ARHGEF4: variants seen among roughly 807,000 people sequenced by gnomAD.
ARHGEF4 encodes APC-stimulated guanine nucleotide exchange factor 1.
Under a neutral mutation model 162.0 loss-of-function variants are expected in ARHGEF4, and 119 were observed. The observed-to-expected ratio is 0.73, with a 90% confidence interval of 0.63 to 0.86. ARHGEF4 has a LOEUF of 0.86. Ranked by LOEUF, ARHGEF4 falls within the 40% of genes least tolerant of loss-of-function variation. ARHGEF4 has a pLI of 0.00. For missense variants in ARHGEF4, 2,488 were observed against 2,456.0 expected (o/e 1.01, Z -0.28); for synonymous variants, 1,014 against 979.9 (o/e 1.03, Z -0.65).
At chr2:130,846,529 C>T (rs573013940) in intron 1 of ARHGEF4, among the ~76,000 whole-genome samples, 1 of 152,322 alleles carries the variant, frequency 6.6e-6, no homozygotes, top group Non-Finnish European at 1.5e-5. Context: ...GTGACCCCTG[C>T]CGTGGGGAGG....
intron 4 of ARHGEF4, among the ~76,000 whole-genome samples, chr2:130,998,181 C>G (rs1687526550): frequency 6.6e-6 from 1 of 152,116 alleles, no homozygotes; most frequent in Non-Finnish European, 1.5e-5. Flanking sequence ...TATATATTTC[C>G]TAACCTTTTA....
chr2:130,985,565 TG>T (rs768271087), intron 4 of ARHGEF4, among the ~76,000 whole-genome samples: 1 of 151,340 alleles, frequency 6.6e-6, no homozygotes, highest in Non-Finnish European at 1.5e-5. Context: ...AGGAGGCATC[TG>T]GGGGGGTGAT....
chr2:130,959,090 C>T (rs7606962), intron 4 of ARHGEF4, among the ~76,000 whole-genome samples: 11,030 of 151,600 alleles, frequency 0.073, 1,218 homozygotes, highest in African/African-American at 0.24. Flanking sequence ...TACAGGCGCA[C>T]CCCACCACAC....
intron 4 of ARHGEF4, among the ~76,000 whole-genome samples, chr2:130,960,536 A>C (rs1208193871): frequency 6.6e-6 from 1 of 152,190 alleles, no homozygotes; most frequent in African/African-American, 2.4e-5. Context: ...ATCACCTAAC[A>C]ACACATTTCT....
In ARHGEF4 at chr2:131,046,621, G is replaced by A. The variant is rs567629628; in HGVS notation, c.*432G>A. ...TCTGTGGCCTGCAATGCCAGGCCAT[G>A]TGCCCCTCTGCCCTCTAGTTCTCCA... On this transcript the variant is annotated 3_prime_UTR_variant, in exon 14 of 14. Transcript: ENST00000409359. The A allele has an allele frequency of 6.4e-6, 1 of 156,048 alleles. No homozygotes were observed. Among genetic ancestry groups the A allele is most frequent in the South Asian group, 2.0e-4 (1 of 4,986 alleles). The allele number at this position is 156,048 out of a possible 1,614,324, so 9.7% of individuals were successfully genotyped here. A position where few individuals can be genotyped will look rare whatever the true frequency, so the allele number is the denominator to read the frequency against.
intron 1 of ARHGEF4, among the ~76,000 whole-genome samples, chr2:130,906,191 AC>A (rs1680801054): frequency 6.6e-6 from 1 of 152,164 alleles, no homozygotes; most frequent in African/African-American, 2.4e-5. Flanking sequence ...CCTGGCATCA[AC>A]CACTTCTTCA....
intron 1 of ARHGEF4, among the ~76,000 whole-genome samples, chr2:130,910,763 A>G (rs12998548): frequency 0.53 from 81,034 of 152,122 alleles, 25,714 homozygotes; most frequent in East Asian, 0.78. Flanking sequence ...ACTAACTTCA[A>G]AAAATCAGTA....
intron 2 of ARHGEF4, among the ~76,000 whole-genome samples, chr2:130,922,395 A>G (rs532665176): frequency 6.6e-6 from 1 of 152,076 alleles, no homozygotes; most frequent in Non-Finnish European, 1.5e-5. Context: ...GAGTTTATTC[A>G]GCACAGAAGT....
chr2:130,998,333 G>C (rs1470962046), intron 4 of ARHGEF4, among the ~76,000 whole-genome samples: 1 of 152,008 alleles, frequency 6.6e-6, no homozygotes, highest in African/African-American at 2.4e-5. Context: ...TAACATCTTG[G>C]TTAGTCTGGT....
At chr2:130,941,858 C>T (rs962670620) in intron 3 of ARHGEF4, among the ~76,000 whole-genome samples, 2 of 152,100 alleles carry the variant, frequency 1.3e-5, no homozygotes, top group African/African-American at 2.4e-5. Context: ...TAAACCCGTG[C>T]AGTTCAAACC....
intron 1 of ARHGEF4, among the ~76,000 whole-genome samples, chr2:130,867,729 C>A (rs1412802650): frequency 6.6e-6 from 1 of 152,002 alleles, no homozygotes; most frequent in Non-Finnish European, 1.5e-5. Flanking sequence ...CTCATCTGTG[C>A]CCTCATGCCC....
At chr2:130,984,295 C>T (rs950062666) in intron 4 of ARHGEF4, among the ~76,000 whole-genome samples, 6 of 152,180 alleles carry the variant, frequency 3.9e-5, no homozygotes, top group Non-Finnish European at 8.8e-5. Context: ...CTTAGAACAG[C>T]AGCACAGAAA....
chr2:131,040,914 C>T (rs1459768027), intron 8 of ARHGEF4, among the ~76,000 whole-genome samples: 1 of 150,602 alleles, frequency 6.6e-6, no homozygotes, highest in East Asian at 1.9e-4. Flanking sequence ...CGAGGGTGAG[C>T]AGAGGATGCC....
chr2:130,960,380 GT>G (rs1448778868), intron 4 of ARHGEF4, among the ~76,000 whole-genome samples: 1 of 152,108 alleles, frequency 6.6e-6, no homozygotes, highest in Non-Finnish European at 1.5e-5. Context: ...TTACCATTGT[GT>G]TATCACCCTA....
chr2:130,960,950 T>C (rs1189166509), intron 4 of ARHGEF4, among the ~76,000 whole-genome samples: 1 of 152,002 alleles, frequency 6.6e-6, no homozygotes, highest in Non-Finnish European at 1.5e-5. Flanking sequence ...AAAAGGGAAA[T>C]GGACTCAGTA....
rs758032281 is a variant in ARHGEF4, at chr2:130,916,373, G to C, written c.2427G>C (p.Glu809Asp). Residue 809 changes from glutamate (E) to aspartate (D), a missense_variant, in exon 2 of 14, where the codon GAG (glutamate) becomes GAC (aspartate). By Grantham distance (45) the Glu-to-Asp change is conservative (BLOSUM62 2). Coordinates refer to ENST00000409359, the MANE Select transcript of ARHGEF4 (RefSeq NM_001367493.1). ...SFRKGRPLAT[E>D]SPGGVPAPTT... ...GGAAGGGCAGGCCCTTGGCCACTGAGAGCCCAGGAGGGGTCCCGGCCCCGA... is the reference window on the plus strand; with the variant it reads ...GGAAGGGCAGGCCCTTGGCCACTGACAGCCCAGGAGGGGTCCCGGCCCCGA... 1.8e-5 allele frequency: 27 copies of C among 1,535,070 alleles called. No individual in the cohort carries two copies. The highest frequency in any genetic ancestry group is 2.4e-5 in the Non-Finnish European group (27 of 1,143,538).
intron 1 of ARHGEF4, chr2:130,837,785 A>G: frequency 1.8e-5 from 5 of 270,400 alleles, no homozygotes; most frequent in South Asian, 1.3e-4. Flanking sequence ...GCATGAAAGG[A>G]GAGGCGGGGA....
chr2:130,914,133 G>A lies in ARHGEF4; in HGVS notation c.187G>A (p.Gly63Arg). 2 of 1,536,152 alleles carry A rather than the reference G, an allele frequency of 1.3e-6. No individual in the cohort carries two copies. Among genetic ancestry groups the A allele is most frequent in the African/African-American group, 1.4e-5 (1 of 73,172 alleles). Residue 63 changes from glycine to arginine, a missense_variant, in exon 2 of 14, where the codon GGA becomes AGA. Physicochemically the swap from Gly to Arg is moderately radical, Grantham distance 125. Transcript: ENST00000409359. Reference protein sequence around the residue: ...SETLSQQSESGSDTKTDPFES... With the variant: ...SETLSQQSESRSDTKTDPFES... ...AACGCTGTCCCAGCAGAGTGAAAGT[G>A]GATCAGACACAAAAACTGACCCCTT...
At chr2:130,930,114 C>T (rs927282867) in intron 2 of ARHGEF4, among the ~76,000 whole-genome samples, 6 of 152,144 alleles carry the variant, frequency 3.9e-5, no homozygotes, top group Non-Finnish European at 8.8e-5. Flanking sequence ...AGGATAGTTT[C>T]AATCTCCTGA....
Sources: gnomAD v4.1 joint callset for allele counts (sites outside exome capture counted in the v4.1 genomes callset) on GRCh38, gnomAD v4.1.1 for gene constraint, MANE v1.5 for transcripts, NCBI Gene and HGNC (gene_info 2026-07-23, HGNC 2026-07-21) for gene names.